The following KCNMA1 variants were observed in gnomAD, a reference collection of about 807,000 sequenced individuals.
KCNMA1 encodes the protein Calcium-activated potassium channel subunit alpha-1.
A neutral mutation model predicts 140.0 loss-of-function variants in KCNMA1; 29 were observed. That is an observed-to-expected ratio of 0.21 (90% CI 0.15 to 0.28). The LOEUF is 0.28. Ranked by LOEUF, KCNMA1 falls within the 10% of genes least tolerant of loss-of-function variation. The probability of loss-of-function intolerance (pLI) is 1.00; values close to 1 mark genes in which losing one functional copy is unlikely to be tolerated. For synonymous variants in KCNMA1, 612 were observed against 611.9 expected, an observed-to-expected ratio of 1.00 and a Z score of 0.00; for missense variants, 880 against 1,602.2, an observed-to-expected ratio of 0.55 and a Z score of 7.70.
Position 77,137,730 on chromosome 10 carries a change from C to A in KCNMA1, c.809-16682G>T, listed in dbSNP as rs141185611. Among the ~76,000 whole-genome samples the A allele has an allele frequency of 5.4e-3, 820 of 152,278 alleles. 10 individuals carry two copies. The highest frequency in any genetic ancestry group is 0.019 in the African/African-American group (796 of 41,552). ...TATAAACAGTTCTTGCTTGTCTGAC[C>A]TTTTCACCATCCTTTCCTTTGGTAA... is the stretch of plus-strand genomic sequence containing the variant. On this transcript the variant is annotated intron_variant, in intron 5 of 27. Transcript: ENST00000286628.
chr10:77,486,519 A>G (rs1301330170), intron 1 of KCNMA1, among the ~76,000 whole-genome samples: 1 of 152,260 alleles, frequency 6.6e-6, no homozygotes, highest in Non-Finnish European at 1.5e-5. Flanking sequence ...CACAAGCTCT[A>G]TAAATATTGG....
intron 6 of KCNMA1, among the ~76,000 whole-genome samples, chr10:77,113,183 G>A (rs943262072): frequency 6.6e-6 from 1 of 150,876 alleles, no homozygotes; most frequent in African/African-American, 2.5e-5. Context: ...AGGCTTTACA[G>A]GCCATATAGA....
intron 2 of KCNMA1, among the ~76,000 whole-genome samples, chr10:77,254,347 AAGTAG>A: frequency 6.6e-6 from 1 of 151,500 alleles, no homozygotes; most frequent in East Asian, 2.0e-4. Context: ...TCAGCCTCCC[AAGTAG>A]CTGGGACTAC....
At chr10:77,112,345 A>G in intron 7 of KCNMA1, 22 bp downstream of exon 7, 1 of 1,578,292 alleles carries the variant, frequency 6.3e-7, no homozygotes, top group Non-Finnish European at 8.7e-7. Flanking sequence ...GCGAGAGCAG[A>G]AGGGTCTTCA....
At chr10:77,014,067 G>T (rs971157859) in intron 17 of KCNMA1, among the ~76,000 whole-genome samples, 4 of 152,168 alleles carry the variant, frequency 2.6e-5, no homozygotes, top group African/African-American at 7.2e-5. Context: ...GTTGAATCAA[G>T]CTAATTAACA....
At position 77,329,833 on chromosome 10, in the gene KCNMA1, C is replaced by G. The variant is rs574851308; in HGVS notation, c.540+74029G>C. Among the ~76,000 whole-genome samples, 14 of 152,284 alleles carry G rather than the reference C, an allele frequency of 9.2e-5. No homozygotes were observed. The East Asian group carries it at 2.7e-3, about 29-fold the overall frequency. On this transcript the variant is annotated intron_variant, in intron 2 of 27. Transcript: ENST00000286628. ...AGACCTTGGGCAAATTGCTTCACCT[C>G]TTTGTCCCTCAGTTTATTCATCTAT...
At chr10:77,106,042 C>T (rs781109734) in intron 9 of KCNMA1, among the ~76,000 whole-genome samples, 3 of 152,112 alleles carry the variant, frequency 2.0e-5, no homozygotes, top group Non-Finnish European at 2.9e-5. Context: ...CCTTTATTAC[C>T]GTGCCTTTCC....
chr10:77,380,050 A>T (rs1054280990), intron 2 of KCNMA1, among the ~76,000 whole-genome samples: 6 of 152,198 alleles, frequency 3.9e-5, no homozygotes, highest in Non-Finnish European at 8.8e-5. Context: ...CTTCATAAAC[A>T]CTAGTGTTCA....
chr10:77,620,731 C>A (rs759281083), intron 1 of KCNMA1, among the ~76,000 whole-genome samples: 13 of 152,174 alleles, frequency 8.5e-5, no homozygotes, highest in Non-Finnish European at 1.9e-4. Flanking sequence ...TTTGGAAACC[C>A]AAATTCTTGA....
At chr10:77,441,153 T>C (rs1352356319) in intron 1 of KCNMA1, among the ~76,000 whole-genome samples, 1 of 151,926 alleles carries the variant, frequency 6.6e-6, no homozygotes, top group Non-Finnish European at 1.5e-5. Context: ...CCAGCTCTCA[T>C]GTTTGGAAAG....
intron 2 of KCNMA1, among the ~76,000 whole-genome samples, chr10:77,315,866 G>A (rs773096164): frequency 6.6e-6 from 1 of 152,230 alleles, no homozygotes; most frequent in South Asian, 2.1e-4. Context: ...CCCCAGTGGA[G>A]GATCCCATCA....
chr10:77,488,178 A>G (rs998446765), intron 1 of KCNMA1, among the ~76,000 whole-genome samples: 1 of 152,196 alleles, frequency 6.6e-6, no homozygotes, highest in African/African-American at 2.4e-5. Flanking sequence ...GTTACTCCCA[A>G]AGACCCTCAA....
intron 22 of KCNMA1, among the ~76,000 whole-genome samples, chr10:76,947,037 G>A (rs1248240125): frequency 2.6e-5 from 4 of 152,162 alleles, no homozygotes; most frequent in East Asian, 1.9e-4. Context: ...GAGTGAACGT[G>A]TACAAGGGCA....
intron 25 of KCNMA1, among the ~76,000 whole-genome samples, chr10:76,899,704 C>A (rs1325915829): frequency 6.6e-6 from 1 of 152,048 alleles, no homozygotes; most frequent in African/African-American, 2.4e-5. Flanking sequence ...GCATTGCATA[C>A]CACAGGGAAG....
At chr10:77,041,637 A>G (rs1018819209) in intron 14 of KCNMA1, among the ~76,000 whole-genome samples, 2 of 152,204 alleles carry the variant, frequency 1.3e-5, no homozygotes, top group Non-Finnish European at 2.9e-5. Flanking sequence ...CTGGTGAATT[A>G]CAAGGAGAAC....
intron 1 of KCNMA1, among the ~76,000 whole-genome samples, chr10:77,489,479 G>A (rs540356220): frequency 2.0e-5 from 3 of 152,134 alleles, no homozygotes; most frequent in Admixed American, 6.5e-5. Flanking sequence ...GGAATTACAG[G>A]CACCCGCTAC....
chr10:77,204,988 C>A (rs147568931), intron 3 of KCNMA1, among the ~76,000 whole-genome samples: 13 of 152,262 alleles, frequency 8.5e-5, no homozygotes, highest in African/African-American at 3.1e-4. Flanking sequence ...TCCAGCCCAT[C>A]ACGCTCCATG....
intron 1 of KCNMA1, among the ~76,000 whole-genome samples, chr10:77,457,760 C>T (rs1335648290): frequency 6.6e-6 from 1 of 152,052 alleles, no homozygotes; most frequent in Non-Finnish European, 1.5e-5. Flanking sequence ...CCTGGAAAGG[C>T]CAATCTGAGC....
chr10:77,205,077 C>T (rs887654486), intron 3 of KCNMA1, among the ~76,000 whole-genome samples: 3 of 152,182 alleles, frequency 2.0e-5, no homozygotes, highest in African/African-American at 7.2e-5. Context: ...CCTTGGTGCC[C>T]TGAGATAGTT....
Sources: gnomAD v4.1 joint callset for allele counts (sites outside exome capture counted in the v4.1 genomes callset) on GRCh38, gnomAD v4.1.1 for gene constraint, MANE v1.5 for transcripts, NCBI Gene and HGNC (gene_info 2026-07-23, HGNC 2026-07-21) for gene names.